Variants in NRF1 observed in about 807,000 individuals in gnomAD.
NRF1 encodes nuclear respiratory factor 1.
Under a neutral mutation model 58.5 loss-of-function variants are expected in NRF1, and 5 were observed. The ratio of observed to expected loss-of-function variants is 0.09; its 90% CI spans 0.04 to 0.18. The LOEUF (loss-of-function observed/expected upper bound fraction) is 0.18, where lower values mean the gene tolerates loss of function less well. Ranked by LOEUF, NRF1 falls within the 10% of genes least tolerant of loss-of-function variation. The pLI is 1.00. For synonymous variants in NRF1, 224 were observed against 246.7 expected, an observed-to-expected ratio of 0.91 and a Z score of 0.86; for missense variants, 288 against 657.7, an observed-to-expected ratio of 0.44 and a Z score of 6.15.
chr7:129,614,891 G>GT, intron 1 of NRF1, among the ~76,000 whole-genome samples: 1 of 152,298 alleles, frequency 6.6e-6, no homozygotes, highest in East Asian at 1.9e-4. Flanking sequence ...CCTGCACACT[G>GT]TAGGTTCAAC....
At chr7:129,706,758 C>T (rs563461628) in intron 5 of NRF1, among the ~76,000 whole-genome samples, 5 of 152,186 alleles carry the variant, frequency 3.3e-5, no homozygotes, top group East Asian at 1.9e-4. Context: ...CAGGTGCCAA[C>T]GTGACCCAGA....
At chr7:129,667,441 A>G (rs1000550310) in intron 2 of NRF1, among the ~76,000 whole-genome samples, 5 of 151,456 alleles carry the variant, frequency 3.3e-5, no homozygotes, top group African/African-American at 4.9e-5. Context: ...CCATTTCCCA[A>G]CTCAGTTTTT....
chr7:129,687,516 T>G (rs1336332995), intron 4 of NRF1, among the ~76,000 whole-genome samples: 1 of 152,196 alleles, frequency 6.6e-6, no homozygotes, highest in Non-Finnish European at 1.5e-5. Flanking sequence ...CCTCAGGTGA[T>G]CTGCCCGCCT....
chr7:129,749,278 A>G (rs1562993339), intron 10 of NRF1, among the ~76,000 whole-genome samples: 1 of 152,156 alleles, frequency 6.6e-6, no homozygotes, highest in Non-Finnish European at 1.5e-5. Flanking sequence ...ATTTGAAGGG[A>G]GAGAATCAGC....
At position 129,619,498 on chromosome 7, in the gene NRF1, A is replaced by G. The variant is rs779897374; in HGVS notation, c.-7+7674A>G. Among the ~76,000 whole-genome samples the G allele has an allele frequency of 1.6e-3, 153 of 94,798 alleles. 1 individual carries two copies. The highest frequency in any genetic ancestry group is 3.7e-3 in the African/African-American group (117 of 31,208). The allele number at this position is 94,798 out of a possible 152,430, so 62.2% of individuals were successfully genotyped here. ...TGTGTGTGTGTGTGTGTGTATATAT[A>G]TATATATATATATATGTATTGTTTT... On this transcript the variant is annotated intron_variant, in intron 1 of 10. Coordinates refer to ENST00000393232, the MANE Select transcript of NRF1 (RefSeq NM_005011.5).
chr7:129,716,799 T>C (rs1238255916), intron 8 of NRF1, among the ~76,000 whole-genome samples: 1 of 151,162 alleles, frequency 6.6e-6, no homozygotes, highest in Non-Finnish European at 1.5e-5. Context: ...CAACCTGGGA[T>C]GTGGAGGTTG....
intron 2 of NRF1, among the ~76,000 whole-genome samples, chr7:129,666,540 G>A (rs1206427732): frequency 1.3e-5 from 2 of 151,970 alleles, no homozygotes; most frequent in Non-Finnish European, 2.9e-5. Flanking sequence ...TTTTTCTGTT[G>A]TTGTTTTTTG....
chr7:129,652,666 C>T (rs969508986), intron 1 of NRF1, among the ~76,000 whole-genome samples: 2 of 152,178 alleles, frequency 1.3e-5, no homozygotes, highest in Non-Finnish European at 2.9e-5. Flanking sequence ...GCGCATCTCA[C>T]TGCAAGCTCC....
intron 5 of NRF1, among the ~76,000 whole-genome samples, chr7:129,700,087 G>A (rs1283391980): frequency 6.6e-6 from 1 of 151,540 alleles, no homozygotes; most frequent in African/African-American, 2.4e-5. Context: ...GTTGCAGTGA[G>A]CTGAGATGGC....
At chr7:129,673,066 A>G (rs928544936) in intron 3 of NRF1, among the ~76,000 whole-genome samples, 2 of 152,208 alleles carry the variant, frequency 1.3e-5, no homozygotes, top group Non-Finnish European at 2.9e-5. Flanking sequence ...GAAACCAGGT[A>G]CAAAAAGTGT....
intron 1 of NRF1, among the ~76,000 whole-genome samples, chr7:129,635,624 T>C (rs1055577210): frequency 6.6e-6 from 1 of 152,192 alleles, no homozygotes; most frequent in African/African-American, 2.4e-5. Flanking sequence ...ATAAACACTT[T>C]TGGACCGCAG....
intron 5 of NRF1, among the ~76,000 whole-genome samples, chr7:129,697,225 A>G (rs1373860395): frequency 6.6e-6 from 1 of 152,018 alleles, no homozygotes; most frequent in Admixed American, 6.6e-5. Flanking sequence ...GTCTACGAAA[A>G]CAAAATATTT....
chr7:129,709,732 T>TC lies in NRF1; in HGVS notation c.765+499_765+500insC, dbSNP rs200587204. 7.3e-4 allele frequency among the ~76,000 whole-genome samples: 55 copies of TC among 75,638 alleles called. 1 individual carries two copies. Among genetic ancestry groups the TC allele is most frequent in the Non-Finnish European group, 1.0e-3 (24 of 22,892 alleles). The allele number at this position is 75,638 out of a possible 152,430, so 49.6% of individuals were successfully genotyped here. A position where few individuals can be genotyped will look rare whatever the true frequency, so the allele number is the denominator to read the frequency against. ...TTTCTTTTTCTTTCTTTTCTTTCTTTTTTTTTTTTTTTTTTGAGACAGAGT... is the reference window on the plus strand; with the variant it reads ...TTTCTTTTTCTTTCTTTTCTTTCTTTCTTTTTTTTTTTTTTTGAGACAGAGT... On this transcript the variant is annotated intron_variant, in intron 6 of 10. Coordinates refer to ENST00000393232, the MANE Select transcript of NRF1 (RefSeq NM_005011.5).
intron 1 of NRF1, among the ~76,000 whole-genome samples, chr7:129,619,417 T>C (rs1800726636): frequency 1.0e-5 from 1 of 96,608 alleles, no homozygotes; most frequent in African/African-American, 5.7e-5. Flanking sequence ...TATATATATA[T>C]ATATATATAT....
At chr7:129,703,819 T>C (rs986765417) in intron 5 of NRF1, among the ~76,000 whole-genome samples, 22 of 152,314 alleles carry the variant, frequency 1.4e-4, no homozygotes, top group African/African-American at 5.3e-4. Flanking sequence ...TTTTTTGACT[T>C]GATGAGGTTT....
At chr7:129,736,903 C>G (rs1024562391) in intron 10 of NRF1, among the ~76,000 whole-genome samples, 1 of 152,178 alleles carries the variant, frequency 6.6e-6, no homozygotes. Flanking sequence ...CTAACAAGCT[C>G]TGTAATCTTA....
At chr7:129,612,734 A>G (rs1800564664) in intron 1 of NRF1, among the ~76,000 whole-genome samples, 1 of 152,030 alleles carries the variant, frequency 6.6e-6, no homozygotes, top group Non-Finnish European at 1.5e-5. Context: ...GTATTTTCCC[A>G]TATCCCCAGA....
intron 1 of NRF1, among the ~76,000 whole-genome samples, chr7:129,655,623 G>A (rs1801636786): frequency 6.6e-6 from 1 of 151,988 alleles, no homozygotes; most frequent in Non-Finnish European, 1.5e-5. Context: ...CTGGGTTCAA[G>A]CGATTCTTCT....
intron 4 of NRF1, among the ~76,000 whole-genome samples, chr7:129,683,592 A>AGTGCTGCG (rs758825989): frequency 4.0e-5 from 6 of 148,660 alleles, no homozygotes; most frequent in Non-Finnish European, 7.4e-5. Flanking sequence ...GGCTTCCCAA[A>AGTGCTGCG]GTGCTGCGAT....
Sources: gnomAD v4.1 joint callset for allele counts (sites outside exome capture counted in the v4.1 genomes callset) on GRCh38, gnomAD v4.1.1 for gene constraint, MANE v1.5 for transcripts, NCBI Gene and HGNC (gene_info 2026-07-23, HGNC 2026-07-21) for gene names.